VIPR2: variants seen among roughly 807,000 people sequenced by gnomAD.
The protein encoded by VIPR2 is vasoactive intestinal peptide receptor 2, also known as vasoactive intestinal polypeptide receptor 2.
Under a neutral mutation model 58.0 loss-of-function variants are expected in VIPR2, and 48 were observed. The ratio of observed to expected loss-of-function variants is 0.83; its 90% confidence interval spans 0.66 to 1.05. The LOEUF is 1.05. Ranked by LOEUF, VIPR2 falls within the 50% of genes least tolerant of loss-of-function variation. The pLI, the probability that VIPR2 is intolerant of heterozygous loss-of-function variation, is 0.00. For synonymous variants in VIPR2, 243 were observed against 235.2 expected, an observed-to-expected ratio of 1.03 and a Z score of -0.30; for missense variants, 534 against 558.0, an observed-to-expected ratio of 0.96 and a Z score of 0.43.
chr7:159,123,288 TAA>T (rs370294230), intron 2 of VIPR2, among the ~76,000 whole-genome samples: 8,507 of 72,330 alleles, frequency 0.12, 280 homozygotes, highest in Middle Eastern at 0.17. Context: ...CAAGACTCTG[TAA>T]AAAAAAAAAA....
intron 2 of VIPR2, among the ~76,000 whole-genome samples, chr7:159,115,230 C>A (rs1434586357): frequency 6.6e-6 from 1 of 152,214 alleles, no homozygotes; most frequent in Non-Finnish European, 1.5e-5. Flanking sequence ...TACTCGACAG[C>A]ACTGTCTAGG....
At chr7:159,071,881 T>C (rs1347018829) in intron 4 of VIPR2, among the ~76,000 whole-genome samples, 1 of 148,590 alleles carries the variant, frequency 6.7e-6, no homozygotes, top group Non-Finnish European at 1.5e-5. Context: ...CAGCACCTGC[T>C]GGATGAAGGC....
chr7:159,117,809 C>T (rs1796296183), intron 2 of VIPR2, among the ~76,000 whole-genome samples: 1 of 152,232 alleles, frequency 6.6e-6, no homozygotes, highest in Non-Finnish European at 1.5e-5. Flanking sequence ...AGGGCTGAAG[C>T]TGCTTCATCC....
chr7:159,067,188 G>A (rs757901629), intron 4 of VIPR2, among the ~76,000 whole-genome samples: 32 of 152,268 alleles, frequency 2.1e-4, no homozygotes, highest in African/African-American at 3.8e-4. Context: ...GAGACCATAC[G>A]ACCACCATTC....
intron 2 of VIPR2, among the ~76,000 whole-genome samples, chr7:159,130,900 T>C (rs1419743933): frequency 6.6e-6 from 1 of 152,204 alleles, no homozygotes; most frequent in Non-Finnish European, 1.5e-5. Flanking sequence ...TGAAATTAAC[T>C]GTTAATTCTG....
In VIPR2 at chr7:159,103,833, G is replaced by T; in HGVS notation, c.281C>A (p.Thr94Lys). The change falls in exon 4 of 13, where the codon ACG (threonine) becomes AAG (lysine). Residue 94 changes from threonine (T) to lysine (K), a missense_variant. By Grantham distance (78) the Thr-to-Lys change is moderately conservative. Transcript: ENST00000262178. ...SKAGNISKNC[T>K]SDGWSETFPD... ...GAACGTCTCTGACCATCCGTCACTC[G>T]TACAGTTTTTGCTTATGTTTCCTGG... 1 of 1,614,072 alleles carries T rather than the reference G, an allele frequency of 6.2e-7. No individual in the cohort carries two copies. The highest frequency in any genetic ancestry group is 8.5e-7 in the Non-Finnish European group (1 of 1,179,976).
intron 4 of VIPR2, among the ~76,000 whole-genome samples, chr7:159,066,497 C>A (rs1414798453): frequency 6.6e-6 from 1 of 152,144 alleles, no homozygotes; most frequent in Non-Finnish European, 1.5e-5. Context: ...AGGATGCCTG[C>A]TCCTGCAGCA....
At chr7:159,102,896 C>T (rs1214742203) in intron 4 of VIPR2, among the ~76,000 whole-genome samples, 2 of 152,238 alleles carry the variant, frequency 1.3e-5, no homozygotes, top group Non-Finnish European at 2.9e-5. Flanking sequence ...GCAGGGAGCA[C>T]ACTCTGCACA....
At chr7:159,070,510 T>A (rs1468103822) in intron 4 of VIPR2, among the ~76,000 whole-genome samples, 1 of 152,152 alleles carries the variant, frequency 6.6e-6, no homozygotes, top group Admixed American at 6.5e-5. Context: ...CCTTGGTTAG[T>A]TTAATTCATT....
chr7:159,104,828 T>C (rs139436013), intron 3 of VIPR2, among the ~76,000 whole-genome samples: 294 of 138,910 alleles, frequency 2.1e-3, no homozygotes, highest in African/African-American at 7.6e-3. Context: ...TTCCTGACAG[T>C]ATCCTCCCTC....
chr7:159,097,011 C>T lies in VIPR2; in HGVS notation c.357+6746G>A, dbSNP rs1286665753. ...CTTCCTTCAGAAAAGCTGCTGCTCT[C>T]AGAGGTGATTTGGGGCAGGCCGCTC... On this transcript the variant is annotated intron_variant, in intron 4 of 12. Transcript: ENST00000262178. This position sits in a 1 kb window ranked among gnomAD's most constrained non-coding sequence, Gnocchi z 5.3. 6.4e-7 allele frequency: 1 copy of T among 1,550,544 alleles called. No individual in the cohort carries two copies.
In VIPR2 at chr7:159,127,084, G is replaced by A. The variant is rs936833098; in HGVS notation, c.151+15362C>T. Among the ~76,000 whole-genome samples the A allele has an allele frequency of 6.6e-6, 1 of 152,200 alleles. No individual in the cohort carries two copies. The highest frequency in any genetic ancestry group is 1.5e-5 in the Non-Finnish European group (1 of 68,040). On this transcript the variant is annotated intron_variant, in intron 2 of 12. Coordinates refer to ENST00000262178, the MANE Select transcript of VIPR2 (RefSeq NM_003382.5). The surrounding 1 kb of genome is among the most constrained non-coding windows in gnomAD (Gnocchi z 4.6). The stretch of plus-strand genomic sequence containing the variant: ...CCACAGCAGAGCGCGGTCTCCAAAC[G>A]TGTTTAGAATGCTGCAGAGGATACT...
At chr7:159,070,572 G>T (rs554190195) in intron 4 of VIPR2, among the ~76,000 whole-genome samples, 1 of 152,140 alleles carries the variant, frequency 6.6e-6, no homozygotes, top group African/African-American at 2.4e-5. Context: ...CACGTCAGGC[G>T]TTGTGGGAAG....
chr7:159,052,177 C>T (rs954683908), intron 5 of VIPR2, among the ~76,000 whole-genome samples: 3 of 152,122 alleles, frequency 2.0e-5, no homozygotes, highest in African/African-American at 7.2e-5. Context: ...AAATTGGTAA[C>T]ACTTTATTCA....
At chr7:159,113,033 G>A (rs1379087353) in intron 2 of VIPR2, among the ~76,000 whole-genome samples, 2 of 152,224 alleles carry the variant, frequency 1.3e-5, no homozygotes, top group African/African-American at 2.4e-5. Flanking sequence ...GCAAGGAGGG[G>A]GAATCCAGAA....
In VIPR2 at chr7:159,119,037, T is replaced by A. The variant is rs114030529; in HGVS notation, c.152-9118A>T. Among the ~76,000 whole-genome samples, 668 of 152,340 alleles carry A rather than the reference T, an allele frequency of 4.4e-3. 7 individuals carry two copies. Among genetic ancestry groups the A allele is most frequent in the African/African-American group, 0.015 (643 of 41,580 alleles). ...TTAATTTGCCTGGAGGATGTTTTTA[T>A]TGTTTCAGGATTCTTCGTGGTTCCA... is the stretch of plus-strand genomic sequence containing the variant. On this transcript the variant is annotated intron_variant, in intron 2 of 12. Coordinates refer to ENST00000262178, the MANE Select transcript of VIPR2 (RefSeq NM_003382.5).
rs367659018 is a variant in VIPR2 at position 159,089,463 on chromosome 7, C to T, written c.357+14294G>A. On this transcript the variant is annotated intron_variant, in intron 4 of 12. Transcript: ENST00000262178. ...GTGGAATGGGAATAGCCTCAGGCCT[C>T]GGCTCCTCATCTGTGGAATGGGAAT... Among the ~76,000 whole-genome samples the T allele has an allele frequency of 7.9e-5, 12 of 152,022 alleles. 1 individual carries two copies. The highest frequency in any genetic ancestry group is 2.1e-4 in the South Asian group (1 of 4,814).
intron 1 of VIPR2, 102 bp downstream of exon 1, chr7:159,144,618 CA>C: frequency 7.2e-7 from 1 of 1,388,936 alleles, no homozygotes; most frequent in South Asian, 1.6e-5. Flanking sequence ...GCCCGCGCTC[CA>C]GCACCCGGGA....
At chr7:159,118,034 A>G (rs1190962293) in intron 2 of VIPR2, among the ~76,000 whole-genome samples, 1 of 152,214 alleles carries the variant, frequency 6.6e-6, no homozygotes, top group Non-Finnish European at 1.5e-5. Context: ...CAGAGCAGGA[A>G]GTCCCAGCTG....
Sources: gnomAD v4.1 joint callset for allele counts (sites outside exome capture counted in the v4.1 genomes callset) on GRCh38, gnomAD v4.1.1 for gene constraint, Gnocchi (gnomAD v3.1) non-coding constraint, MANE v1.5 for transcripts, NCBI Gene and HGNC (gene_info 2026-07-23, HGNC 2026-07-21) for gene names.